BEND2: variants seen among roughly 807,000 people sequenced by gnomAD.
BEND2 encodes the protein BEN domain containing 2, also known as BEN domain-containing protein 2.
BEND2 carries 19 observed loss-of-function variants against 43.8 expected under a neutral mutation model. The observed-to-expected ratio is 0.43, with a 90% confidence interval of 0.30 to 0.64. The LOEUF (loss-of-function observed/expected upper bound fraction) is 0.64, where lower values mean the gene tolerates loss of function less well. Among genes scored for constraint, BEND2 ranks in the 30% least tolerant of loss-of-function variants. The pLI, the probability that BEND2 is intolerant of heterozygous loss-of-function variation, is 0.11. For synonymous variants in BEND2, 226 were observed against 210.1 expected (o/e 1.08, Z -0.66); for missense variants, 544 against 574.0 (o/e 0.95, Z 0.53).
chrX:18,188,630 T>C (rs923821252), intron 8 of BEND2, among the ~76,000 whole-genome samples: 2 of 111,567 alleles, frequency 1.8e-5, no homozygotes, highest in Non-Finnish European at 3.8e-5. Context: ...ACTGAAGCCA[T>C]AATAGAATTC....
rs1451311192 is a variant in BEND2, at chrX:18,173,917, AAC to A, written c.1981+111_1981+112del. On this transcript the variant is annotated intron_variant, in intron 12 of 13. Coordinates refer to ENST00000380033, the MANE Select transcript of BEND2 (RefSeq NM_153346.5). ...TTTCACTTTCTGATGAAATTTCTCA[AAC>A]ACACATAAAAGTAGAGAGAATAGTA... 9.2e-6 allele frequency: 6 copies of A among 651,062 alleles called. No homozygotes were observed. In the Admixed American group the frequency reaches 2.0e-4, roughly 21 times the overall value. The allele number at this position is 651,062 out of a possible 1,213,427, so 53.7% of individuals were successfully genotyped here. A position where few individuals can be genotyped will look rare whatever the true frequency, so the allele number is the denominator to read the frequency against.
At chrX:18,214,129 C>G (rs779162319) in intron 2 of BEND2, among the ~76,000 whole-genome samples, 1 of 110,704 alleles carries the variant, frequency 9.0e-6, no homozygotes, top group Non-Finnish European at 1.9e-5. Context: ...GTAAAAAAAG[C>G]CAGACACAAG....
chrX:18,183,596 T>C (rs182166424), intron 8 of BEND2, among the ~76,000 whole-genome samples: 34 of 112,234 alleles, frequency 3.0e-4, no homozygotes, highest in Middle Eastern at 9.2e-3. Context: ...GGTCCCTGAT[T>C]CCAGGCCTTG....
intron 8 of BEND2, among the ~76,000 whole-genome samples, chrX:18,186,414 C>T (rs947522877): frequency 1.4e-4 from 14 of 100,521 alleles, no homozygotes; most frequent in Non-Finnish European, 2.6e-4. Context: ...GCCGAGATTG[C>T]GCCATTGCAC....
chrX:18,216,769 T>A, intron 1 of BEND2, 36 bp from the exon 2 acceptor site: 4 of 1,018,910 alleles, frequency 3.9e-6, no homozygotes, highest in Non-Finnish European at 5.5e-6. Flanking sequence ...AGATTCAATA[T>A]CACATTAAAT....
rs995314756 is a variant in BEND2, at chrX:18,201,704, G to A, written c.1033+111C>T. On this transcript the variant is annotated intron_variant, in intron 6 of 13. Coordinates refer to ENST00000380033, the MANE Select transcript of BEND2 (RefSeq NM_153346.5). ...GACGGGTTTTCACCATGTTGGTCAG[G>A]CTGGTCTCAAACTTCTGATGTCAGG... 9.1e-5 allele frequency: 81 copies of A among 893,748 alleles called. No individual in the cohort carries two copies. In the Middle Eastern group the frequency reaches 2.2e-3, roughly 24 times the overall value. 73.7% of individuals were successfully genotyped at this position (893,748 alleles called of 1,213,427 possible).
chrX:18,220,027 A>G, intron 1 of BEND2, among the ~76,000 whole-genome samples: 1 of 112,268 alleles, frequency 8.9e-6, no homozygotes, highest in Non-Finnish European at 1.9e-5. Flanking sequence ...CCTCACCAAA[A>G]AGAGAACAGC....
At chrX:18,195,043 T>A (rs1021850041) in intron 7 of BEND2, among the ~76,000 whole-genome samples, 2 of 110,800 alleles carry the variant, frequency 1.8e-5, no homozygotes, top group Non-Finnish European at 3.8e-5. Context: ...CTCTATAAGA[T>A]CTGTGGCTTG....
chrX:18,178,419 T>A (rs1924258418), intron 9 of BEND2, among the ~76,000 whole-genome samples: 2 of 111,837 alleles, frequency 1.8e-5, no homozygotes, highest in South Asian at 7.6e-4. Flanking sequence ...ACACTGCTAG[T>A]TACAGAACCA....
intron 11 of BEND2, 91 bp from the exon 12 acceptor site, chrX:18,174,349 T>C (rs1479285070): frequency 2.5e-6 from 2 of 799,733 alleles, no homozygotes; most frequent in Non-Finnish European, 3.6e-6. Flanking sequence ...ACCAGGTTGC[T>C]AGGGAAGCAA....
rs757039547 is a variant in BEND2, at chrX:18,171,005, G to A, written c.2181C>T (p.Leu727=). Reference sequence around the variant, plus strand: ...CATACTCTATGTGTAACAAACCTCGGAGAGCACTAATCTTATTGGGGTCAA... The same window carrying A: ...CATACTCTATGTGTAACAAACCTCGAAGAGCACTAATCTTATTGGGGTCAA... The part of the protein sequence containing the change: ...CALDPNKISA[L]REFLQENYPI... The change falls in exon 13 of 14, where the codon CTC becomes CTT. Residue 727 remains leucine, a synonymous_variant. Coordinates refer to ENST00000380033, the MANE Select transcript of BEND2 (RefSeq NM_153346.5). 6 of 1,208,373 alleles carry A rather than the reference G, an allele frequency of 5.0e-6. No homozygotes were observed. The Admixed American group carries it at 1.3e-4, about 26-fold the overall frequency.
chrX:18,178,866 T>C (rs1377122806), intron 9 of BEND2, among the ~76,000 whole-genome samples: 1 of 111,683 alleles, frequency 9.0e-6, no homozygotes, highest in Admixed American at 9.6e-5. Context: ...TGAGAGCTCA[T>C]GCCCTCAACC....
At chrX:18,173,303 T>C (rs1182878400) in intron 12 of BEND2, among the ~76,000 whole-genome samples, 1 of 111,969 alleles carries the variant, frequency 8.9e-6, no homozygotes, top group Non-Finnish European at 1.9e-5. Context: ...GTTTAATTTA[T>C]CCAGTCTGTG....
intron 4 of BEND2, among the ~76,000 whole-genome samples, chrX:18,210,648 T>C (rs1925475294): frequency 8.9e-6 from 1 of 112,366 alleles, no homozygotes; most frequent in African/African-American, 3.2e-5. Flanking sequence ...AACCAAATCT[T>C]AAATGGCTTT....
chrX:18,168,642 C>T lies in BEND2; in HGVS notation c.2185+2359G>A, dbSNP rs767490976. Among the ~76,000 whole-genome samples the T allele has an allele frequency of 1.6e-4, 18 of 111,329 alleles. No homozygotes were observed. The South Asian group carries it at 6.5e-3, about 40-fold the overall frequency. On this transcript the variant is annotated intron_variant, in intron 13 of 13. Coordinates refer to ENST00000380033, the MANE Select transcript of BEND2 (RefSeq NM_153346.5). ...TGAGGGTTGTTCGCTAATTGCAAAT[C>T]TGCCTACTAACTTCCTCCCTATCAA...
At chrX:18,212,479 T>G (rs767326114) in intron 4 of BEND2, 86 bp downstream of exon 4, 40 of 662,864 alleles carry the variant, frequency 6.0e-5, no homozygotes, top group Non-Finnish European at 8.8e-5. Flanking sequence ...TGCATGAAAT[T>G]CAACTCCATT....
At chrX:18,198,899 G>C in intron 6 of BEND2, among the ~76,000 whole-genome samples, 1 of 106,921 alleles carries the variant, frequency 9.4e-6, no homozygotes, top group Non-Finnish European at 1.9e-5. Flanking sequence ...CATGTCCTTT[G>C]TAGGGACATG....
chrX:18,194,592 C>A (rs59553012), intron 7 of BEND2, among the ~76,000 whole-genome samples: 15,561 of 111,126 alleles, frequency 0.14, 989 homozygotes, highest in East Asian at 0.34. Context: ...AAAAAACCCA[C>A]CAGACGTCCT....
In BEND2 at chrX:18,180,587, A is replaced by AT; in HGVS notation, c.1351dup (p.Met451AsnfsTer10). 8.3e-7 allele frequency: 1 copy of AT among 1,211,028 alleles called. No homozygotes were observed. On this transcript the variant is annotated frameshift_variant, in exon 9 of 14. Transcript: ENST00000380033. LOFTEE classifies it high-confidence loss of function. ...ACTGTCCAATAAAGTTGAGCGATTCATTGTGTTGACGCTGTTTTCCGTGTT... is the reference window on the plus strand; with the variant it reads ...ACTGTCCAATAAAGTTGAGCGATTCATTTGTGTTGACGCTGTTTTCCGTGTT...
Sources: allele counts gnomAD v4.1 joint callset (sites outside exome capture counted in the v4.1 genomes callset), GRCh38; gene constraint gnomAD v4.1.1; transcripts MANE v1.5; gene names NCBI Gene and HGNC (gene_info 2026-07-23, HGNC 2026-07-21).